PI4KB: variants seen among roughly 807,000 people sequenced by gnomAD.
The protein encoded by PI4KB is phosphatidylinositol 4-kinase beta, also known as PtdIns 4-kinase beta.
A neutral mutation model predicts 81.4 loss-of-function variants in PI4KB; 23 were observed. The ratio of observed to expected loss-of-function variants is 0.28; its 90% CI spans 0.20 to 0.40. PI4KB has a LOEUF of 0.40. Ranked by LOEUF, PI4KB falls within the 10% of genes least tolerant of loss-of-function variation. The probability of loss-of-function intolerance (pLI) is 1.00; values close to 1 mark genes in which losing one functional copy is unlikely to be tolerated. For synonymous variants in PI4KB, 381 were observed against 406.8 expected, an observed-to-expected ratio of 0.94 and a Z score of 0.76; for missense variants, 651 against 1,036.6, an observed-to-expected ratio of 0.63 and a Z score of 5.11.
At chr1:151,299,219 G>A in intron 8 of PI4KB, 146 bp from the exon 9 acceptor site, 2 of 720,278 alleles carry the variant, frequency 2.8e-6, no homozygotes, top group Non-Finnish European at 4.6e-6. Flanking sequence ...AACCCAGTGA[G>A]GACCAGGGAG....
chr1:151,323,543 T>C (rs890361835), intron 1 of PI4KB, among the ~76,000 whole-genome samples: 5 of 151,656 alleles, frequency 3.3e-5, no homozygotes, highest in Non-Finnish European at 7.4e-5. Flanking sequence ...GCCAACATGG[T>C]GAAACCCCAT....
chr1:151,316,138 C>T lies in PI4KB; in HGVS notation c.344G>A (p.Gly115Glu), dbSNP rs1343563404. ...GTTGTTCTGCCGCCGTCTTCTTGCTCCTTTGGCTGTGCCTGAGGCCACAGC... is the reference window on the plus strand; with the variant it reads ...GTTGTTCTGCCGCCGTCTTCTTGCTTCTTTGGCTGTGCCTGAGGCCACAGC... ...GAAVASGTAKGARRRRQNNSA... is the reference protein window; with the variant it reads ...GAAVASGTAKEARRRRQNNSA... Residue 115 changes from glycine (G) to glutamate (E), a missense_variant, in exon 2 of 12, where the codon GGA becomes GAA. Physicochemically the swap from Gly to Glu is moderately conservative, Grantham distance 98. Coordinates refer to ENST00000368873, the MANE Select transcript of PI4KB (RefSeq NM_001369623.2). The T allele has an allele frequency of 6.2e-7, 1 of 1,614,076 alleles. No individual in the cohort carries two copies. The highest frequency in any genetic ancestry group is 1.3e-5 in the African/African-American group (1 of 75,040).
At chr1:151,327,135 C>T (rs1205735980) in intron 1 of PI4KB, 136 bp downstream of exon 1, 1 of 393,026 alleles carries the variant, frequency 2.5e-6, no homozygotes, top group Non-Finnish European at 4.5e-6. Context: ...AGAAGGAACC[C>T]GGGGTGCAGC....
At chr1:151,324,203 C>T (rs369179404) in intron 1 of PI4KB, among the ~76,000 whole-genome samples, 37 of 152,158 alleles carry the variant, frequency 2.4e-4, no homozygotes, top group Non-Finnish European at 5.3e-4. Flanking sequence ...TCAAGTGATC[C>T]GCCCACCTCA....
At chr1:151,313,755 G>A (rs1018673164) in intron 2 of PI4KB, among the ~76,000 whole-genome samples, 3 of 152,368 alleles carry the variant, frequency 2.0e-5, no homozygotes, top group Non-Finnish European at 4.4e-5. Context: ...CATGGATGTG[G>A]AAGCTCAGAT....
chr1:151,304,341 G>C (rs587761028), intron 5 of PI4KB, among the ~76,000 whole-genome samples: 3 of 104,162 alleles, frequency 2.9e-5, no homozygotes, highest in African/African-American at 1.1e-4. Context: ...ACCTGGCTGT[G>C]TGTTTTTTTT....
At position 151,316,487 on chromosome 1, in the gene PI4KB, C is replaced by T; in HGVS notation, c.-6G>A. The T allele has an allele frequency of 6.6e-7, 1 of 1,513,060 alleles. No homozygotes were observed. The highest frequency in any genetic ancestry group is 1.3e-5 in the South Asian group (1 of 74,176). 93.7% of individuals were successfully genotyped at this position (1,513,060 alleles called of 1,614,324 possible). On this transcript the variant is annotated 5_prime_UTR_variant, in exon 2 of 12. In the 5' UTR this introduces an upstream ATG that the reference lacks. Coordinates refer to ENST00000368873, the MANE Select transcript of PI4KB (RefSeq NM_001369623.2). ...TCCACTACTGTATCTCCCATGGCCA[C>T]AGCCAGACTTCGAGCTTCCAAGCTA...
At chr1:151,315,542 C>T (rs780721394) in intron 2 of PI4KB, 31 bp downstream of exon 2, 1 of 1,526,898 alleles carries the variant, frequency 6.5e-7, no homozygotes, top group Non-Finnish European at 9.1e-7. Flanking sequence ...CCTCTACCAC[C>T]TTTTGTCTCT....
chr1:151,293,016 A>T lies in PI4KB; in HGVS notation c.2287T>A (p.Phe763Ile). ...TTTCGAATGGTGCTGGAGCCATGGA[A>T]GCAAGGAAGCTGAGAACCTGGGGGA... Reference protein sequence around the residue: ...IMQQGSQLPCFHGSSTIRNLK... With the variant: ...IMQQGSQLPCIHGSSTIRNLK... Residue 763 changes from phenylalanine (F) to isoleucine (I), a missense_variant, in exon 12 of 12, where the codon TTC (phenylalanine) becomes ATC (isoleucine). This residue lies in a region of PI4KB where 70 missense variants were observed against 108.1 expected (regional missense o/e 0.65). Transcript: ENST00000368873. 6.2e-7 allele frequency: 1 copy of T among 1,614,044 alleles called. No homozygotes were observed. The highest frequency in any genetic ancestry group is 8.5e-7 in the Non-Finnish European group (1 of 1,179,930).
chr1:151,306,198 G>A lies in PI4KB; in HGVS notation c.1348C>T (p.Pro450Ser). ...GCCTCATCATCGTTGTCATAGTTGG[G>A]CACAGTGCTGAAGCTGCCAGCTCGC... ...EQRAGSFSTV[P>S]NYDNDDEAWS... Residue 450 changes from proline to serine, a missense_variant, in exon 5 of 12, where the codon CCC (proline) becomes TCC (serine). Around this residue, in one of 5 missense-constraint regions of PI4KB, gnomAD observed 246 missense variants for 430.1 expected, o/e 0.57. Coordinates refer to ENST00000368873, the MANE Select transcript of PI4KB (RefSeq NM_001369623.2). 1 of 1,614,130 alleles carries A rather than the reference G, an allele frequency of 6.2e-7. No individual in the cohort carries two copies. Among genetic ancestry groups the A allele is most frequent in the South Asian group, 1.1e-5 (1 of 91,080 alleles).
intron 3 of PI4KB, among the ~76,000 whole-genome samples, 155 bp downstream of exon 3, chr1:151,310,056 A>G (rs1401444753): frequency 6.6e-6 from 1 of 152,154 alleles, no homozygotes; most frequent in African/African-American, 2.4e-5. Context: ...ACTCCAGCAG[A>G]TCTGGGAGGT....
chr1:151,305,609 C>A (rs1378039353), intron 5 of PI4KB, among the ~76,000 whole-genome samples: 1 of 152,196 alleles, frequency 6.6e-6, no homozygotes, highest in Admixed American at 6.5e-5. Context: ...CGCCCCAAGT[C>A]TGGTGCTCTT....
chr1:151,308,251 C>CG (rs1695948547), intron 3 of PI4KB, among the ~76,000 whole-genome samples: 1 of 152,186 alleles, frequency 6.6e-6, no homozygotes, highest in South Asian at 2.1e-4. Flanking sequence ...CGAGGGGCTC[C>CG]GTCAAGTCCC....
At chr1:151,308,155 A>G (rs1695940044) in intron 3 of PI4KB, among the ~76,000 whole-genome samples, 1 of 152,180 alleles carries the variant, frequency 6.6e-6, no homozygotes, top group Non-Finnish European at 1.5e-5. Flanking sequence ...CACAGAGAGA[A>G]GAGCTGCTTA....
chr1:151,316,193 T>C lies in PI4KB; in HGVS notation c.289A>G (p.Ile97Val). 1 of 1,614,118 alleles carries C rather than the reference T, an allele frequency of 6.2e-7. No individual in the cohort carries two copies. Among genetic ancestry groups the C allele is most frequent in the Non-Finnish European group, 8.5e-7 (1 of 1,179,998 alleles). The change falls in exon 2 of 12, where the codon ATC becomes GTC. Residue 97 changes from isoleucine to valine, a missense_variant. Coordinates refer to ENST00000368873, the MANE Select transcript of PI4KB (RefSeq NM_001369623.2). ...CCCATCTCATCTTCCTCCTCCCTGA[T>C]CTGGGCAGGTGGATCATCTAGGCAA... is the stretch of plus-strand genomic sequence containing the variant. Reference protein sequence around the residue: ...IRCLDDPPAQIREEEDEMGAA... With the variant: ...IRCLDDPPAQVREEEDEMGAA...
chr1:151,320,899 T>TTTG (rs1273464484), intron 1 of PI4KB, among the ~76,000 whole-genome samples: 1 of 152,192 alleles, frequency 6.6e-6, no homozygotes, highest in Non-Finnish European at 1.5e-5. Flanking sequence ...GAAGTACACT[T>TTTG]TTCAAAACTT....
Position 151,293,503 on chromosome 1 carries a change from G to A in PI4KB, c.2270-470C>T, listed in dbSNP as rs1427656841. ...AGGAATGGGGAGGAGGGGGAGACTGGCAGTTCAGACCTGGTATACACCTGG... is the reference window on the plus strand; with the variant it reads ...AGGAATGGGGAGGAGGGGGAGACTGACAGTTCAGACCTGGTATACACCTGG... On this transcript the variant is annotated intron_variant, in intron 11 of 11. Coordinates refer to ENST00000368873, the MANE Select transcript of PI4KB (RefSeq NM_001369623.2). 3 of 1,033,606 alleles carry A rather than the reference G, an allele frequency of 2.9e-6. No individual in the cohort carries two copies. In the South Asian group the frequency reaches 4.9e-5, roughly 17 times the overall value. 64.0% of individuals were successfully genotyped at this position (1,033,606 alleles called of 1,614,324 possible). A position where few individuals can be genotyped will look rare whatever the true frequency, so the allele number is the denominator to read the frequency against.
intron 2 of PI4KB, among the ~76,000 whole-genome samples, chr1:151,313,261 G>GTT (rs1647390925): frequency 6.6e-6 from 1 of 152,166 alleles, no homozygotes; most frequent in Non-Finnish European, 1.5e-5. Context: ...TGGGAACATA[G>GTT]TATCTCCTTC....
intron 2 of PI4KB, among the ~76,000 whole-genome samples, chr1:151,312,385 A>ATACTC (rs1458510195): frequency 6.6e-6 from 1 of 152,202 alleles, no homozygotes; most frequent in African/African-American, 2.4e-5. Flanking sequence ...ATTCTCCTAG[A>ATACTC]GTATCTCTGC....
Sources: gnomAD v4.1 joint callset for allele counts (sites outside exome capture counted in the v4.1 genomes callset) on GRCh38, gnomAD v4.1.1 for gene constraint, gnomAD v4.1.1 regional missense constraint, MANE v1.5 for transcripts, NCBI Gene and HGNC (gene_info 2026-07-23, HGNC 2026-07-21) for gene names.